Variants in RFX6 observed in about 807,000 individuals in gnomAD.
RFX6 encodes regulatory factor X6.
RFX6 carries 50 observed loss-of-function variants against 110.8 expected under a neutral mutation model. The ratio of observed to expected loss-of-function variants is 0.45; its 90% CI spans 0.36 to 0.57. RFX6 has a LOEUF of 0.57. RFX6 is among the 20% of genes least tolerant of loss of function. The pLI, the probability that RFX6 is intolerant of heterozygous loss-of-function variation, is 0.00. For synonymous variants in RFX6, 383 were observed against 411.2 expected, an observed-to-expected ratio of 0.93 and a Z score of 0.83; for missense variants, 990 against 1,127.0, an observed-to-expected ratio of 0.88 and a Z score of 1.74.
intron 6 of RFX6, among the ~76,000 whole-genome samples, chr6:116,900,980 A>T (rs899418098): frequency 3.3e-5 from 5 of 152,046 alleles, no homozygotes; most frequent in African/African-American, 1.2e-4. Context: ...TGTGAAAGGG[A>T]TGCGCATTCA....
intron 10 of RFX6, 129 bp from the exon 11 acceptor site, chr6:116,919,007 CA>C: frequency 1.3e-6 from 1 of 767,280 alleles, no homozygotes; most frequent in Non-Finnish European, 2.2e-6. Flanking sequence ...TGATAAATGG[CA>C]GATCTAGGCT....
At chr6:116,895,549 T>C (rs951379249) in intron 6 of RFX6, among the ~76,000 whole-genome samples, 1 of 152,108 alleles carries the variant, frequency 6.6e-6, no homozygotes, top group Admixed American at 6.6e-5. Flanking sequence ...ATGGAAAGAA[T>C]TGGTCTTTGG....
chr6:116,877,717 G>C, intron 1 of RFX6, 79 bp from the exon 2 acceptor site: 1 of 1,085,018 alleles, frequency 9.2e-7, no homozygotes, highest in Non-Finnish European at 1.4e-6. Flanking sequence ...CTACTCCTTT[G>C]AAGTTAAGGT....
rs757435174 is a variant in RFX6 at position 116,928,926 on chromosome 6, T to C, written c.2566T>C (p.Tyr856His). The change falls in exon 18 of 19, where the codon TAC becomes CAC. Residue 856 changes from tyrosine to histidine, a missense_variant. Transcript: ENST00000332958. ...TGGTAGAAAACAGACCAGCTCGTTT[T>C]ACACAGACACATCATCTCCAGTTGC... ...DSGRKQTSSFYTDTSSPVACR... is the reference protein window; with the variant it reads ...DSGRKQTSSFHTDTSSPVACR... 3.5e-5 allele frequency: 57 copies of C among 1,613,688 alleles called. No homozygotes were observed. The highest frequency in any genetic ancestry group is 4.6e-5 in the Non-Finnish European group (54 of 1,179,664).
At chr6:116,918,156 A>G (rs1775509216) in intron 10 of RFX6, 70 bp downstream of exon 10, 1 of 1,034,528 alleles carries the variant, frequency 9.7e-7, no homozygotes, top group East Asian at 2.4e-5. Flanking sequence ...ATTAGAAGAA[A>G]ACATTAGGTA....
chr6:116,907,719 T>C (rs989072098), intron 6 of RFX6, among the ~76,000 whole-genome samples: 1 of 152,124 alleles, frequency 6.6e-6, no homozygotes, highest in African/African-American at 2.4e-5. Flanking sequence ...GGTAGATTAT[T>C]CTGTATATGT....
At chr6:116,899,603 G>T (rs1213863965) in intron 6 of RFX6, among the ~76,000 whole-genome samples, 1 of 152,056 alleles carries the variant, frequency 6.6e-6, no homozygotes, top group Admixed American at 6.6e-5. Flanking sequence ...GAGAAAGGTG[G>T]AGTACTATAT....
chr6:116,919,184 T>C lies in RFX6; in HGVS notation c.1070T>C (p.Val357Ala). 6.2e-7 allele frequency: 1 copy of C among 1,613,648 alleles called. No individual in the cohort carries two copies. The highest frequency in any genetic ancestry group is 8.5e-7 in the Non-Finnish European group (1 of 1,179,668). ...TTTGCTAAAAATTGGGAACAGTGGG[T>C]TGTTTCATCCTTGGAAAACTTGCCA... ...RNFAKNWEQW[V>A]VSSLENLPEA... is the part of the protein sequence containing the mutation. Residue 357 changes from valine (V) to alanine (A), a missense_variant, in exon 11 of 19, where the codon GTT becomes GCT. Val to Ala is a moderately conservative substitution (Grantham distance 64). Around this residue, in one of 5 missense-constraint regions of RFX6, gnomAD observed 243 missense variants for 353.1 expected, o/e 0.69. Transcript: ENST00000332958.
intron 10 of RFX6, 150 bp from the exon 11 acceptor site, chr6:116,918,987 T>A: frequency 1.5e-6 from 1 of 680,810 alleles, no homozygotes; most frequent in South Asian, 1.8e-5. Flanking sequence ...AAATATAGCA[T>A]AAGAAAAGAT....
rs1775638171 is a variant in RFX6 at position 116,923,150 on chromosome 6, A to G, written c.1481A>G (p.Asp494Gly). ...AGGTCATTAAAGAAGAGAGCTCAAG[A>G]CTTTCTGTTAAAGTGGAGTTTTTTT... is the stretch of plus-strand genomic sequence containing the variant. ...NGRSLKKRAQ[D>G]FLLKWSFFGA... is the part of the protein sequence containing the mutation. Residue 494 changes from aspartate (D) to glycine (G), a missense_variant, in exon 14 of 19, where the codon GAC (aspartate) becomes GGC (glycine). By Grantham distance (94) the Asp-to-Gly change is moderately conservative (BLOSUM62 -1). Around this residue, in one of 5 missense-constraint regions of RFX6, gnomAD observed 89 missense variants for 140.3 expected, o/e 0.63. Transcript: ENST00000332958. 6.2e-7 allele frequency: 1 copy of G among 1,609,820 alleles called. No homozygotes were observed. Among genetic ancestry groups the G allele is most frequent in the Non-Finnish European group, 8.5e-7 (1 of 1,176,202 alleles).
At chr6:116,896,167 G>C (rs1774940818) in intron 6 of RFX6, among the ~76,000 whole-genome samples, 1 of 152,144 alleles carries the variant, frequency 6.6e-6, no homozygotes, top group Admixed American at 6.5e-5. Context: ...ATTTCTCTCA[G>C]GTGTTCTTTC....
chr6:116,898,045 G>A lies in RFX6; in HGVS notation c.672+2838G>A, dbSNP rs1774988145. On this transcript the variant is annotated intron_variant, in intron 6 of 18. Transcript: ENST00000332958. ...AGAGTCGGTGAGATAACAGAGGAGAGTCTAGAGTGGTAGGAAGAGAAGGAG... is the reference window on the plus strand; with the variant it reads ...AGAGTCGGTGAGATAACAGAGGAGAATCTAGAGTGGTAGGAAGAGAAGGAG... Among the ~76,000 whole-genome samples, 3 of 152,200 alleles carry A rather than the reference G, an allele frequency of 2.0e-5. No individual in the cohort carries two copies. In the South Asian group the frequency reaches 6.2e-4, roughly 32 times the overall value.
Position 116,910,461 on chromosome 6 carries a change from T to G in RFX6, c.673-474T>G, listed in dbSNP as rs374623568. Among the ~76,000 whole-genome samples the G allele has an allele frequency of 5.0e-4, 76 of 152,258 alleles. 2 individuals are homozygous for G. In the East Asian group the frequency reaches 6.2e-3, roughly 12 times the overall value. ...CTAGCTTGAGAATCAGAAGTTAGAC[T>G]CCAATAAAAATTTTGCTAGTAATTA... On this transcript the variant is annotated intron_variant, in intron 6 of 18. Coordinates refer to ENST00000332958, the MANE Select transcript of RFX6 (RefSeq NM_173560.4).
At chr6:116,880,427 A>G (rs191938746) in intron 2 of RFX6, 117 bp from the exon 3 acceptor site, 8,935 of 846,408 alleles carry the variant, frequency 0.011, 366 homozygotes, top group South Asian at 0.093. Context: ...AAGTCTACTT[A>G]TGTCTACTCA....
rs1562136648 is a variant in RFX6, at chr6:116,895,222, C to T, written c.672+15C>T. 7.2e-7 allele frequency: 1 copy of T among 1,387,702 alleles called. No homozygotes were observed. The highest frequency in any genetic ancestry group is 1.4e-5 in the African/African-American group (1 of 70,534). The allele number at this position is 1,387,702 out of a possible 1,614,324, so 86.0% of individuals were successfully genotyped here. A position where few individuals can be genotyped will look rare whatever the true frequency, so the allele number is the denominator to read the frequency against. ...TAAAGAATGAGGTAAGAATTATTTTCATCTCTATTTTACATCTGCTATAAT... is the reference window on the plus strand; with the variant it reads ...TAAAGAATGAGGTAAGAATTATTTTTATCTCTATTTTACATCTGCTATAAT... On this transcript the variant is annotated intron_variant, in intron 6 of 18. Coordinates refer to ENST00000332958, the MANE Select transcript of RFX6 (RefSeq NM_173560.4).
At position 116,931,509 on chromosome 6, in the gene RFX6, C is replaced by A. The variant is rs631089; in HGVS notation, c.*3C>A. On this transcript the variant is annotated 3_prime_UTR_variant, in exon 19 of 19. Coordinates refer to ENST00000332958, the MANE Select transcript of RFX6 (RefSeq NM_173560.4). Reference sequence around the variant, plus strand: ...GAACAGCAGCTGGAGGCACTTAAACCACCAATGTGGGAGGGGGTGCTAAAA... The same window carrying A: ...GAACAGCAGCTGGAGGCACTTAAACAACCAATGTGGGAGGGGGTGCTAAAA... 346,200 of 1,606,038 alleles carry A rather than the reference C, an allele frequency of 0.22. 42,025 individuals are homozygous for A. Among genetic ancestry groups the A allele is most frequent in the South Asian group, 0.41 (37,279 of 90,798 alleles).
In RFX6 at chr6:116,924,706, C is replaced by T. The variant is rs1562147684; in HGVS notation, c.1593C>T (p.Tyr531=). ...FHLIRMLLDE[Y]ILLAMETQFN... is the part of the protein sequence containing the mutation. The stretch of plus-strand genomic sequence containing the variant: ...TGATTCGAATGCTTCTCGATGAATA[C>T]ATTCTCCTGGCCATGGAGACCCAGT... The change falls in exon 15 of 19, where the codon TAC becomes TAT. Residue 531 remains tyrosine (Y), a synonymous_variant. Coordinates refer to ENST00000332958, the MANE Select transcript of RFX6 (RefSeq NM_173560.4). The T allele has an allele frequency of 6.2e-7, 1 of 1,607,118 alleles. No individual in the cohort carries two copies. The highest frequency in any genetic ancestry group is 8.5e-7 in the Non-Finnish European group (1 of 1,173,638).
intron 4 of RFX6, among the ~76,000 whole-genome samples, chr6:116,883,690 C>T (rs1229035509): frequency 6.6e-6 from 1 of 152,010 alleles, no homozygotes; most frequent in Non-Finnish European, 1.5e-5. Context: ...CCTGTGCTTA[C>T]CCCCACATAT....
intron 2 of RFX6, 131 bp from the exon 3 acceptor site, chr6:116,880,413 A>C: frequency 1.3e-6 from 1 of 769,984 alleles, no homozygotes. Context: ...ATCCAGAATA[A>C]ACGAAGTCTA....
Sources: allele counts gnomAD v4.1 joint callset (sites outside exome capture counted in the v4.1 genomes callset), GRCh38; gene constraint gnomAD v4.1.1; regional missense constraint gnomAD v4.1.1; transcripts MANE v1.5; gene names NCBI Gene and HGNC (gene_info 2026-07-23, HGNC 2026-07-21).